ST3GAL2: variants seen among roughly 807,000 people sequenced by gnomAD.
The protein encoded by ST3GAL2 is ST3 beta-galactoside alpha-2,3-sialyltransferase 2.
Under a neutral mutation model 37.5 loss-of-function variants are expected in ST3GAL2, and 16 were observed. The observed-to-expected ratio is 0.43, with a 90% confidence interval of 0.29 to 0.65. ST3GAL2 has a LOEUF of 0.65. Among genes scored for constraint, ST3GAL2 ranks in the 30% least tolerant of loss-of-function variants. The probability of loss-of-function intolerance (pLI) is 0.17; values close to 1 mark genes in which losing one functional copy is unlikely to be tolerated. For synonymous variants in ST3GAL2, 238 were observed against 202.9 expected (o/e 1.17, Z -1.47); for missense variants, 383 against 487.8 (o/e 0.79, Z 2.02).
intron 1 of ST3GAL2, among the ~76,000 whole-genome samples, chr16:70,417,318 C>A (rs1257972805): frequency 3.9e-5 from 6 of 152,124 alleles, no homozygotes; most frequent in South Asian, 4.1e-4. Context: ...TCCCAGCCCC[C>A]ACTTCCCACA....
intron 1 of ST3GAL2, among the ~76,000 whole-genome samples, chr16:70,410,240 CTTTTTTTTTTT>C (rs751045679): frequency 1.3e-4 from 8 of 62,664 alleles, no homozygotes; most frequent in South Asian, 4.4e-4. Flanking sequence ...CCACCCTCAC[CTTTTTTTTTTT>C]TTTTTTTTTT....
At chr16:70,408,161 C>T (rs1037101533) in intron 1 of ST3GAL2, among the ~76,000 whole-genome samples, 8 of 152,136 alleles carry the variant, frequency 5.3e-5, no homozygotes, top group Admixed American at 3.9e-4. Flanking sequence ...GTCCCAGGAC[C>T]AGCTGAACAA....
chr16:70,424,452 T>C (rs901834405), intron 1 of ST3GAL2, among the ~76,000 whole-genome samples: 1 of 151,344 alleles, frequency 6.6e-6, no homozygotes, highest in African/African-American at 2.4e-5. Flanking sequence ...AAATACAAAA[T>C]TAGCCAGGCG....
intron 1 of ST3GAL2, among the ~76,000 whole-genome samples, chr16:70,434,179 C>T (rs1162180155): frequency 6.6e-6 from 1 of 152,178 alleles, no homozygotes; most frequent in Non-Finnish European, 1.5e-5. Context: ...TGTCTCACAC[C>T]TATAGTCCCA....
chr16:70,425,585 G>A (rs1247562612), intron 1 of ST3GAL2, among the ~76,000 whole-genome samples: 1 of 152,136 alleles, frequency 6.6e-6, no homozygotes, highest in Admixed American at 6.5e-5. Context: ...TTGAACGTTA[G>A]AATGTAAAAT....
At chr16:70,409,805 A>T (rs1427545716) in intron 1 of ST3GAL2, among the ~76,000 whole-genome samples, 2 of 129,060 alleles carry the variant, frequency 1.5e-5, no homozygotes, top group African/African-American at 3.0e-5. Context: ...ACCTGGCTAA[A>T]TTTTTTTTTT....
chr16:70,423,426 C>T (rs1207640898), intron 1 of ST3GAL2, among the ~76,000 whole-genome samples: 1 of 152,112 alleles, frequency 6.6e-6, no homozygotes, highest in East Asian at 1.9e-4. Flanking sequence ...AGGGGAATCG[C>T]TTGAACCTGG....
rs1034722019 is a variant in ST3GAL2 at position 70,375,990 on chromosome 16, T to C, written c.*5699A>G. 2 of 152,214 alleles carry C rather than the reference T, an allele frequency of 1.3e-5. No homozygotes were observed. Among genetic ancestry groups the C allele is most frequent in the Admixed American group, 6.5e-5 (1 of 15,274 alleles). 9.4% of individuals were successfully genotyped at this position (152,214 alleles called of 1,614,324 possible). ...GTGTACTCAAGCCTTAGTTAAGGTT[T>C]ATTTATTTCTATTTATAGCAAAGAC... On this transcript the variant is annotated 3_prime_UTR_variant, in exon 7 of 7. Transcript: ENST00000342907.
At position 70,439,034 on chromosome 16, in the gene ST3GAL2, C is replaced by A. The variant is rs1413930174; in HGVS notation, c.-1089G>T. Reference sequence around the variant, plus strand: ...GCGCAGAAAGCCGTCGCCGCCGCCGCCGCCGCCGCCGCCGTCGTCCGGACC... The same window carrying A: ...GCGCAGAAAGCCGTCGCCGCCGCCGACGCCGCCGCCGCCGTCGTCCGGACC... On this transcript the variant is annotated 5_prime_UTR_variant, in exon 1 of 7. Coordinates refer to ENST00000342907, the MANE Select transcript of ST3GAL2 (RefSeq NM_006927.4). 1 of 165,164 alleles carries A rather than the reference C, an allele frequency of 6.1e-6. No individual in the cohort carries two copies. The highest frequency in any genetic ancestry group is 1.8e-4 in the East Asian group (1 of 5,710). The allele number at this position is 165,164 out of a possible 1,614,324, so 10.2% of individuals were successfully genotyped here. A position where few individuals can be genotyped will look rare whatever the true frequency, so the allele number is the denominator to read the frequency against.
At chr16:70,418,642 C>T (rs2047691963) in intron 1 of ST3GAL2, among the ~76,000 whole-genome samples, 1 of 152,130 alleles carries the variant, frequency 6.6e-6, no homozygotes, top group African/African-American at 2.4e-5. Context: ...CCCTCCTTGA[C>T]CTTCACAGAA....
Position 70,412,609 on chromosome 16 carries a change from C to T in ST3GAL2, c.-1003-13076G>A, listed in dbSNP as rs113066821. On this transcript the variant is annotated intron_variant, in intron 1 of 6. Transcript: ENST00000342907. ...CAGTGAACCGTGATTACGCCACTGC[C>T]GCCCAACCTGGCCTCAAAAAGCAAA... Among the ~76,000 whole-genome samples the T allele has an allele frequency of 1.1e-3, 165 of 152,272 alleles. No individual in the cohort carries two copies. In the Middle Eastern group the frequency reaches 0.014, roughly 13 times the overall value.
intron 1 of ST3GAL2, among the ~76,000 whole-genome samples, chr16:70,432,102 T>C (rs2047795328): frequency 6.6e-6 from 1 of 151,886 alleles, no homozygotes; most frequent in Non-Finnish European, 1.5e-5. Flanking sequence ...CAGTGAACTA[T>C]GACAGCACCA....
intron 3 of ST3GAL2, among the ~76,000 whole-genome samples, chr16:70,392,254 C>T (rs1438279005): frequency 6.6e-6 from 1 of 152,218 alleles, no homozygotes; most frequent in Non-Finnish European, 1.5e-5. Context: ...AGGAACATGG[C>T]ACTCTAACAG....
At chr16:70,381,921 C>A in intron 6 of ST3GAL2, 59 bp from the exon 7 acceptor site, 1 of 1,597,700 alleles carries the variant, frequency 6.3e-7, no homozygotes, top group Non-Finnish European at 8.5e-7. Flanking sequence ...TGGCGCGGGG[C>A]GGGCTCGGGA....
At chr16:70,425,956 T>C (rs1279219572) in intron 1 of ST3GAL2, among the ~76,000 whole-genome samples, 3 of 152,166 alleles carry the variant, frequency 2.0e-5, no homozygotes, top group African/African-American at 4.8e-5. Flanking sequence ...CCTGACTGCA[T>C]GGCCTTCTGG....
chr16:70,431,910 G>C (rs1448070091), intron 1 of ST3GAL2, among the ~76,000 whole-genome samples: 1 of 151,882 alleles, frequency 6.6e-6, no homozygotes, highest in Admixed American at 6.6e-5. Context: ...CTTGCAGTGA[G>C]CCGAGATGGC....
At chr16:70,421,119 T>G (rs1427784438) in intron 1 of ST3GAL2, among the ~76,000 whole-genome samples, 3 of 152,214 alleles carry the variant, frequency 2.0e-5, no homozygotes, top group Non-Finnish European at 4.4e-5. Flanking sequence ...GGAGGTGGGC[T>G]GGGGAGGACA....
chr16:70,402,019 A>G (rs9940841), intron 1 of ST3GAL2, among the ~76,000 whole-genome samples: 2 of 136,198 alleles, frequency 1.5e-5, no homozygotes, highest in African/African-American at 2.7e-5. Flanking sequence ...AAAAAAAAAG[A>G]CCAGGCATGG....
At chr16:70,404,902 G>A (rs1387399459) in intron 1 of ST3GAL2, among the ~76,000 whole-genome samples, 3 of 151,990 alleles carry the variant, frequency 2.0e-5, no homozygotes, top group Non-Finnish European at 2.9e-5. Context: ...CATGGCTGGC[G>A]TGCGCCTGTA....
Sources: gnomAD v4.1 joint callset for allele counts (sites outside exome capture counted in the v4.1 genomes callset) on GRCh38, gnomAD v4.1.1 for gene constraint, MANE v1.5 for transcripts, NCBI Gene and HGNC (gene_info 2026-07-23, HGNC 2026-07-21) for gene names.